The following GNAQ variants were observed in gnomAD, a reference collection of about 807,000 sequenced individuals.
GNAQ encodes G protein subunit alpha q.
A neutral mutation model predicts 43.9 loss-of-function variants in GNAQ; 8 were observed. The observed-to-expected ratio is 0.18, with a 90% CI of 0.11 to 0.33. GNAQ has a LOEUF of 0.33. GNAQ is among the 10% of genes least tolerant of loss of function. GNAQ has a pLI of 1.00. For synonymous variants in GNAQ, 155 were observed against 170.7 expected, an observed-to-expected ratio of 0.91 and a Z score of 0.71; for missense variants, 158 against 450.8, an observed-to-expected ratio of 0.35 and a Z score of 5.88.
chr9:77,939,328 T>G (rs1829281398), intron 1 of GNAQ, among the ~76,000 whole-genome samples: 1 of 152,250 alleles, frequency 6.6e-6, no homozygotes, highest in South Asian at 2.1e-4. Flanking sequence ...ATGAGTCATG[T>G]GCCTTCAGTT....
intron 2 of GNAQ, among the ~76,000 whole-genome samples, chr9:77,833,649 G>A (rs1322670159): frequency 6.6e-6 from 1 of 152,202 alleles, no homozygotes; most frequent in African/African-American, 2.4e-5. Context: ...GAACTGACAA[G>A]TTTTCCTGTA....
At chr9:77,813,066 C>T (rs1826953026) in intron 3 of GNAQ, among the ~76,000 whole-genome samples, 1 of 151,890 alleles carries the variant, frequency 6.6e-6, no homozygotes, top group Non-Finnish European at 1.5e-5. Flanking sequence ...GCGCACCCCA[C>T]CACGCCTGGC....
intron 1 of GNAQ, among the ~76,000 whole-genome samples, chr9:78,019,939 A>AAAAG (rs1564180292): frequency 1.5e-4 from 22 of 149,110 alleles, no homozygotes; most frequent in South Asian, 4.2e-4. Flanking sequence ...AAAAAAAAAA[A>AAAAG]AAAGAAAGAA....
intron 1 of GNAQ, among the ~76,000 whole-genome samples, chr9:77,984,863 C>A (rs990064835): frequency 6.6e-6 from 1 of 152,104 alleles, no homozygotes; most frequent in Non-Finnish European, 1.5e-5. Context: ...ATGGAGCAAT[C>A]CTCCAACATC....
chr9:77,944,509 AT>A (rs1442136810), intron 1 of GNAQ, among the ~76,000 whole-genome samples: 1 of 152,108 alleles, frequency 6.6e-6, no homozygotes, highest in African/African-American at 2.4e-5. Context: ...CAAACTTACC[AT>A]TCAGCAACCT....
At chr9:77,751,346 G>T (rs780136413) in intron 5 of GNAQ, among the ~76,000 whole-genome samples, 3 of 152,244 alleles carry the variant, frequency 2.0e-5, no homozygotes, top group East Asian at 1.9e-4. Context: ...GAATGGGTTG[G>T]GTGGTTTCCC....
rs75239943 is a variant in GNAQ, at chr9:77,978,333, A to G, written c.136+52767T>C. Among the ~76,000 whole-genome samples, 630 of 152,260 alleles carry G rather than the reference A, an allele frequency of 4.1e-3. 4 individuals are homozygous for G. Among genetic ancestry groups the G allele is most frequent in the African/African-American group, 0.014 (602 of 41,540 alleles). On this transcript the variant is annotated intron_variant, in intron 1 of 6. Coordinates refer to ENST00000286548, the MANE Select transcript of GNAQ (RefSeq NM_002072.5). The stretch of plus-strand genomic sequence containing the variant: ...TGATTATACTATTTTTAGTCCTTCA[A>G]TTGGTTAGCTCTGTTTCCTGTTTCA...
At chr9:77,809,477 GA>G (rs1355656902) in intron 3 of GNAQ, among the ~76,000 whole-genome samples, 10 of 152,052 alleles carry the variant, frequency 6.6e-5, no homozygotes, top group African/African-American at 2.4e-4. Flanking sequence ...AAATCTAGGG[GA>G]AAAAAAGTGA....
intron 2 of GNAQ, among the ~76,000 whole-genome samples, chr9:77,818,208 G>C (rs1827052617): frequency 6.6e-6 from 1 of 152,044 alleles, no homozygotes; most frequent in African/African-American, 2.4e-5. Context: ...CTTCACCTAG[G>C]TTGGAATTTC....
At chr9:77,754,206 T>C (rs1051871355) in intron 5 of GNAQ, among the ~76,000 whole-genome samples, 6 of 152,144 alleles carry the variant, frequency 3.9e-5, no homozygotes, top group Non-Finnish European at 4.4e-5. Context: ...GTGCCTTTTG[T>C]TTCTGTCCCC....
chr9:78,026,012 C>A (rs1587467443), intron 1 of GNAQ, among the ~76,000 whole-genome samples: 1 of 152,092 alleles, frequency 6.6e-6, no homozygotes, highest in South Asian at 2.1e-4. Flanking sequence ...TTTTAATAGG[C>A]ACTTCTGAAA....
intron 1 of GNAQ, among the ~76,000 whole-genome samples, chr9:77,923,303 G>A (rs1587412035): frequency 1.3e-5 from 2 of 152,186 alleles, no homozygotes; most frequent in Admixed American, 6.5e-5. Context: ...TCCCTCTCCC[G>A]ATTCTTGACT....
chr9:77,887,664 C>T (rs1207907519), intron 2 of GNAQ, among the ~76,000 whole-genome samples: 1 of 152,064 alleles, frequency 6.6e-6, no homozygotes, highest in Non-Finnish European at 1.5e-5. Context: ...TTCTAATCCC[C>T]CCAGTTAAAG....
At chr9:77,784,683 T>A (rs2118413545) in intron 5 of GNAQ, among the ~76,000 whole-genome samples, 1 of 152,178 alleles carries the variant, frequency 6.6e-6, no homozygotes, top group East Asian at 1.9e-4. Context: ...AAAAGGCAAG[T>A]CATGAAGCAG....
intron 1 of GNAQ, among the ~76,000 whole-genome samples, chr9:77,926,066 G>T (rs1587413835): frequency 6.6e-6 from 1 of 152,060 alleles, no homozygotes; most frequent in African/African-American, 2.4e-5. Flanking sequence ...TGAATCCATG[G>T]ATATGGAACC....
intron 2 of GNAQ, among the ~76,000 whole-genome samples, chr9:77,818,655 A>C (rs1447002006): frequency 6.6e-6 from 1 of 152,216 alleles, no homozygotes; most frequent in African/African-American, 2.4e-5. Context: ...ATTACAAGTA[A>C]CAAGTCAATT....
chr9:77,996,933 TCAA>T lies in GNAQ; in HGVS notation c.136+34164_136+34166del, dbSNP rs541374968. On this transcript the variant is annotated intron_variant, in intron 1 of 6. Transcript: ENST00000286548. ...AGTCAGACATACATAGCATTAAAGA[TCAA>T]CAACAGCTAGCTTTTACTGAGTATT... Among the ~76,000 whole-genome samples, 500 of 152,284 alleles carry T rather than the reference TCAA, an allele frequency of 3.3e-3. 2 individuals carry two copies. Among genetic ancestry groups the T allele is most frequent in the Non-Finnish European group, 5.4e-3 (370 of 68,026 alleles).
chr9:77,854,787 T>C (rs1008845803), intron 2 of GNAQ, among the ~76,000 whole-genome samples: 3 of 152,196 alleles, frequency 2.0e-5, no homozygotes, highest in East Asian at 1.9e-4. Context: ...AATTTATAGG[T>C]TGGCATGCTA....
rs924908924 is a variant in GNAQ, at chr9:78,031,800, C to G, written c.-565G>C. Among the ~76,000 whole-genome samples the G allele has an allele frequency of 4.7e-5, 7 of 148,954 alleles. No individual in the cohort carries two copies. Among genetic ancestry groups the G allele is most frequent in the African/African-American group, 1.7e-4 (7 of 40,980 alleles). ...CTCGCGCGCAGACCCGGTTCCCGTC[C>G]CGCCCGGCAACCGCGCGCTCCTCCG... is the stretch of plus-strand genomic sequence containing the variant. On this transcript the variant is annotated 5_prime_UTR_variant, in exon 1 of 7. Coordinates refer to ENST00000286548, the MANE Select transcript of GNAQ (RefSeq NM_002072.5).
Sources: gnomAD v4.1 joint callset for allele counts (sites outside exome capture counted in the v4.1 genomes callset) on GRCh38, gnomAD v4.1.1 for gene constraint, MANE v1.5 for transcripts, NCBI Gene and HGNC (gene_info 2026-07-23, HGNC 2026-07-21) for gene names.